Variants in EPB41L4A observed in about 807,000 individuals in gnomAD.
The protein encoded by EPB41L4A is band 4.1-like protein 4A.
In EPB41L4A, 100 loss-of-function variants were observed where a neutral mutation model predicts 108.6. The ratio of observed to expected loss-of-function variants is 0.92; its 90% CI spans 0.78 to 1.09. The LOEUF (loss-of-function observed/expected upper bound fraction) is 1.09. Among genes scored for constraint, EPB41L4A ranks in the 50% least tolerant of loss-of-function variants. The probability of loss-of-function intolerance (pLI) is 0.00; values close to 1 mark genes in which losing one functional copy is unlikely to be tolerated. For synonymous variants in EPB41L4A, 319 were observed against 289.0 expected (o/e 1.10, Z -1.05); for missense variants, 1,030 against 842.7 (o/e 1.22, Z -2.75).
At chr5:112,324,035 T>A (rs1755983218) in intron 1 of EPB41L4A, among the ~76,000 whole-genome samples, 1 of 152,140 alleles carries the variant, frequency 6.6e-6, no homozygotes, top group Admixed American at 6.6e-5. Context: ...ATGAACCCAA[T>A]CTAAAGAAAT....
At chr5:112,419,596 G>A (rs994551772), upstream of EPB41L4A, 16 of 454,598 alleles carry the variant, frequency 3.5e-5, no homozygotes, top group Admixed American at 2.3e-4. Flanking sequence ...GATCCGCCGA[G>A]TATGAAGCGC....
chr5:112,259,405 C>T, intron 8 of EPB41L4A, 113 bp from the exon 9 acceptor site: 2 of 788,472 alleles, frequency 2.5e-6, no homozygotes, highest in African/African-American at 1.7e-5. Context: ...TTATATACTG[C>T]TCCATACCCA....
At chr5:112,241,431 GTTAT>G (rs1326142856) in intron 9 of EPB41L4A, among the ~76,000 whole-genome samples, 1 of 152,166 alleles carries the variant, frequency 6.6e-6, no homozygotes, top group East Asian at 1.9e-4. Context: ...TAATCCAGTA[GTTAT>G]TTGATTCTCT....
At chr5:112,155,777 A>T (rs551015396) in intron 12 of EPB41L4A, among the ~76,000 whole-genome samples, 1 of 152,316 alleles carries the variant, frequency 6.6e-6, no homozygotes, top group South Asian at 2.1e-4. Flanking sequence ...CAAATTTAAT[A>T]TAGGTTTACC....
At chr5:112,350,456 G>A (rs538962672) in intron 1 of EPB41L4A, among the ~76,000 whole-genome samples, 32 of 152,250 alleles carry the variant, frequency 2.1e-4, no homozygotes, top group Middle Eastern at 6.8e-3. Flanking sequence ...TCATCACCTC[G>A]AGGATTTATC....
In EPB41L4A at chr5:112,280,331, A is replaced by C. The variant is rs1752887812; in HGVS notation, c.205-8T>G. ...TGCAGGATCCAGCCAATACTGTGTG[A>C]GGAAGAAAAGGACAATTAAAGAAAT... On this transcript the variant is annotated splice_region_variant and splice_polypyrimidine_tract_variant and intron_variant, in intron 2 of 22. Coordinates refer to ENST00000261486, the MANE Select transcript of EPB41L4A (RefSeq NM_022140.5). 1 of 1,612,970 alleles carries C rather than the reference A, an allele frequency of 6.2e-7. No homozygotes were observed. The highest frequency in any genetic ancestry group is 1.3e-5 in the African/African-American group (1 of 74,902).
At chr5:112,265,340 G>A (rs917674402) in intron 5 of EPB41L4A, among the ~76,000 whole-genome samples, 8 of 152,176 alleles carry the variant, frequency 5.3e-5, no homozygotes, top group African/African-American at 1.7e-4. Context: ...CATTAGAAAT[G>A]CTGGAAGTGA....
chr5:112,314,530 AAAAAAAAAG>A (rs1472709306), intron 1 of EPB41L4A, among the ~76,000 whole-genome samples: 17 of 142,864 alleles, frequency 1.2e-4, no homozygotes, highest in African/African-American at 2.3e-4. Context: ...AAAAAAAAAA[AAAAAAAAAG>A]AAAAGAAATT....
chr5:112,407,802 G>C (rs1762156406), intron 1 of EPB41L4A, among the ~76,000 whole-genome samples: 1 of 152,154 alleles, frequency 6.6e-6, no homozygotes, highest in Non-Finnish European at 1.5e-5. Flanking sequence ...AAAAGCATTA[G>C]CAGCAGCAGG....
At chr5:112,222,434 C>G (rs1246666533) in intron 12 of EPB41L4A, among the ~76,000 whole-genome samples, 2 of 152,200 alleles carry the variant, frequency 1.3e-5, no homozygotes, top group African/African-American at 4.8e-5. Context: ...GACTACCACC[C>G]ATCTTTCTCA....
At chr5:112,284,328 T>C (rs766888677) in intron 2 of EPB41L4A, among the ~76,000 whole-genome samples, 3 of 152,182 alleles carry the variant, frequency 2.0e-5, no homozygotes, top group African/African-American at 2.4e-5. Flanking sequence ...AAGGACAGCA[T>C]GCAATAATTG....
intron 2 of EPB41L4A, among the ~76,000 whole-genome samples, chr5:112,300,916 T>A (rs1754313102): frequency 6.6e-6 from 1 of 152,200 alleles, no homozygotes; most frequent in Non-Finnish European, 1.5e-5. Context: ...AGTTCTTTAT[T>A]CTGCTTGTTC....
intron 9 of EPB41L4A, among the ~76,000 whole-genome samples, chr5:112,244,169 T>C (rs1305940392): frequency 6.6e-6 from 1 of 152,180 alleles, no homozygotes; most frequent in Non-Finnish European, 1.5e-5. Context: ...AGTTTCAATA[T>C]TACTGTTTCT....
intron 14 of EPB41L4A, 162 bp from the exon 15 acceptor site, chr5:112,204,650 G>A (rs918778891): frequency 1.9e-5 from 9 of 477,856 alleles, no homozygotes; most frequent in African/African-American, 7.6e-5. Flanking sequence ...AAAGAAAAGA[G>A]GTAAGATCTG....
chr5:112,339,101 G>A (rs1367034293), intron 1 of EPB41L4A, among the ~76,000 whole-genome samples: 1 of 152,108 alleles, frequency 6.6e-6, no homozygotes, highest in Non-Finnish European at 1.5e-5. Flanking sequence ...AACAGGCCTG[G>A]CGACTGGGTT....
intron 1 of EPB41L4A, among the ~76,000 whole-genome samples, chr5:112,360,596 G>A (rs941619470): frequency 1.1e-4 from 16 of 152,336 alleles, no homozygotes; most frequent in African/African-American, 3.4e-4. Context: ...CCAGGCTGGA[G>A]TGCAGTGGCG....
At chr5:112,372,212 A>G (rs1055380480) in intron 1 of EPB41L4A, among the ~76,000 whole-genome samples, 4 of 152,220 alleles carry the variant, frequency 2.6e-5, no homozygotes, top group African/African-American at 9.6e-5. Flanking sequence ...ACTTACAATC[A>G]TGGCAGAAGG....
At chr5:112,280,379 A>T (rs941435035) in intron 2 of EPB41L4A, 56 bp from the exon 3 acceptor site, 33 of 1,498,116 alleles carry the variant, frequency 2.2e-5, no homozygotes, top group Non-Finnish European at 3.1e-5. Flanking sequence ...ATTAGCTTTT[A>T]CTTCAAGAAT....
chr5:112,367,531 T>C (rs560801711), intron 1 of EPB41L4A, among the ~76,000 whole-genome samples: 27 of 152,278 alleles, frequency 1.8e-4, no homozygotes, highest in Admixed American at 1.6e-3. Context: ...GCCATCTTTA[T>C]GGAATTTCCC....
Sources: allele counts gnomAD v4.1 joint callset (sites outside exome capture counted in the v4.1 genomes callset), GRCh38; gene constraint gnomAD v4.1.1; transcripts MANE v1.5; gene names NCBI Gene and HGNC (gene_info 2026-07-23, HGNC 2026-07-21).